The following KIF5C variants were observed in gnomAD, a reference collection of about 807,000 sequenced individuals.
KIF5C encodes kinesin family member 5C.
Under a neutral mutation model 125.2 loss-of-function variants are expected in KIF5C, and 18 were observed. The ratio of observed to expected loss-of-function variants is 0.14; its 90% CI spans 0.10 to 0.21. KIF5C has a LOEUF of 0.21. Among genes scored for constraint, KIF5C ranks in the 10% least tolerant of loss-of-function variants. The probability of loss-of-function intolerance (pLI) is 1.00; values close to 1 mark genes in which losing one functional copy is unlikely to be tolerated. For missense variants in KIF5C, 780 were observed against 1,183.8 expected (o/e 0.66, Z 5.01); for synonymous variants, 405 against 434.0 (o/e 0.93, Z 0.83).
chr2:148,917,906 T>A (rs1681626179), intron 1 of KIF5C, among the ~76,000 whole-genome samples: 1 of 152,210 alleles, frequency 6.6e-6, no homozygotes, highest in Non-Finnish European at 1.5e-5. Context: ...TTCTTGGGGA[T>A]AATTAATTTC....
chr2:148,902,740 G>A lies in KIF5C; in HGVS notation c.127-19397G>A, dbSNP rs185305780. Among the ~76,000 whole-genome samples the A allele has an allele frequency of 1.1e-3, 165 of 152,290 alleles. 1 individual carries two copies. Among genetic ancestry groups the A allele is most frequent in the Non-Finnish European group, 4.0e-4 (27 of 68,022 alleles). On this transcript the variant is annotated intron_variant, in intron 1 of 25. Coordinates refer to ENST00000435030, the MANE Select transcript of KIF5C (RefSeq NM_004522.3). The stretch of plus-strand genomic sequence containing the variant: ...AATTAGAATATTTTGTAGTGCTCGT[G>A]TATTCCTGCAAAGAGCATTTCACAT...
At chr2:148,942,860 A>G (rs920416094) in intron 7 of KIF5C, 100 bp downstream of exon 7, 82 of 1,538,086 alleles carry the variant, frequency 5.3e-5, no homozygotes, top group Non-Finnish European at 6.6e-5. Flanking sequence ...GAAAGAATGC[A>G]TGGGAAGGTG....
rs1379125533 is a variant in KIF5C, at chr2:148,962,130, G to A, written c.1117+11G>A. On this transcript the variant is annotated intron_variant, in intron 11 of 25. Coordinates refer to ENST00000435030, the MANE Select transcript of KIF5C (RefSeq NM_004522.3). ...ACAGGTGGAGGAATGGTAAGGAAAAGTAAGGAGGAAGAGTGAGGCATGAGT... is the reference window on the plus strand; with the variant it reads ...ACAGGTGGAGGAATGGTAAGGAAAAATAAGGAGGAAGAGTGAGGCATGAGT... The A allele has an allele frequency of 1.3e-6, 2 of 1,595,112 alleles. No individual in the cohort carries two copies. The highest frequency in any genetic ancestry group is 8.5e-7 in the Non-Finnish European group (1 of 1,170,686).
chr2:148,908,741 A>G (rs1681214294), intron 1 of KIF5C, among the ~76,000 whole-genome samples: 3 of 152,238 alleles, frequency 2.0e-5, no homozygotes, highest in African/African-American at 7.2e-5. Flanking sequence ...AGAATCAGTC[A>G]TAACTGTTTA....
chr2:149,018,169 G>C (rs1259117414), intron 25 of KIF5C, among the ~76,000 whole-genome samples: 1 of 150,862 alleles, frequency 6.6e-6, no homozygotes, highest in Non-Finnish European at 1.5e-5. Context: ...CATGCCTGTA[G>C]CTCCAGTGAC....
At chr2:148,943,841 C>G (rs192875408) in intron 7 of KIF5C, among the ~76,000 whole-genome samples, 3 of 152,328 alleles carry the variant, frequency 2.0e-5, no homozygotes, top group African/African-American at 7.2e-5. Context: ...TTTTCTCTAT[C>G]TGAGCAATGT....
intron 13 of KIF5C, among the ~76,000 whole-genome samples, chr2:148,980,698 A>C (rs1025439467): frequency 9.6e-5 from 14 of 146,328 alleles, no homozygotes; most frequent in African/African-American, 3.5e-4. Flanking sequence ...TTATTTATTT[A>C]TTTATTTATT....
At chr2:149,020,732 T>C (rs73013143) in intron 25 of KIF5C, among the ~76,000 whole-genome samples, 14,617 of 152,206 alleles carry the variant, frequency 0.096, 2,070 homozygotes, top group African/African-American at 0.31. Flanking sequence ...CGTGGAGAAA[T>C]GAACCTGTGA....
intron 13 of KIF5C, among the ~76,000 whole-genome samples, chr2:148,979,480 G>A (rs1558929609): frequency 6.6e-6 from 1 of 152,104 alleles, no homozygotes; most frequent in Non-Finnish European, 1.5e-5. Context: ...CTCTATGTTG[G>A]TCAGGGTGAT....
intron 1 of KIF5C, among the ~76,000 whole-genome samples, chr2:148,884,948 C>A (rs576707763): frequency 6.6e-6 from 1 of 151,014 alleles, no homozygotes; most frequent in African/African-American, 2.4e-5. Context: ...CTATCCCCCC[C>A]TCACAATGGC....
At chr2:149,009,201 A>T (rs1413087604) in intron 23 of KIF5C, among the ~76,000 whole-genome samples, 1 of 152,032 alleles carries the variant, frequency 6.6e-6, no homozygotes, top group East Asian at 1.9e-4. Context: ...CATGTTGGTC[A>T]GGCTGGTCTT....
intron 10 of KIF5C, among the ~76,000 whole-genome samples, chr2:148,960,289 A>G (rs1483168668): frequency 6.6e-6 from 1 of 152,182 alleles, no homozygotes; most frequent in Non-Finnish European, 1.5e-5. Context: ...GGGACTCTTT[A>G]TGATTTAAAA....
chr2:148,942,816 A>C, intron 7 of KIF5C, 56 bp downstream of exon 7: 1 of 1,570,218 alleles, frequency 6.4e-7, no homozygotes, highest in Non-Finnish European at 8.6e-7. Flanking sequence ...ATATCTGCCC[A>C]CCAACCGAGG....
intron 10 of KIF5C, 105 bp from the exon 11 acceptor site, chr2:148,961,866 T>A: frequency 1.4e-6 from 2 of 1,474,920 alleles, no homozygotes; most frequent in Admixed American, 4.5e-5. Flanking sequence ...TCCCTTCTGC[T>A]TCCCTATTTC....
chr2:148,950,255 C>A lies in KIF5C; in HGVS notation c.820-59C>A, dbSNP rs76093774. ...AGTGTCTTCATCCCTGACTTGCTTG[C>A]CTCTGTGTTTTTCTCAGAATGGGCT... On this transcript the variant is annotated intron_variant, in intron 9 of 25. Coordinates refer to ENST00000435030, the MANE Select transcript of KIF5C (RefSeq NM_004522.3). The A allele has an allele frequency of 6.5e-3, 10,245 of 1,581,642 alleles. 233 individuals are homozygous for A. In the African/African-American group the frequency reaches 0.07, roughly 11 times the overall value.
chr2:148,931,086 A>G (rs961567214), intron 3 of KIF5C, among the ~76,000 whole-genome samples: 12 of 152,202 alleles, frequency 7.9e-5, no homozygotes, highest in Middle Eastern at 3.2e-3. Flanking sequence ...TGAGGAATTC[A>G]ATCAGTCTAG....
chr2:148,990,889 A>T, intron 15 of KIF5C, 121 bp from the exon 16 acceptor site: 2 of 1,434,204 alleles, frequency 1.4e-6, no homozygotes, highest in Non-Finnish European at 1.8e-6. Flanking sequence ...CTTGTCCTTT[A>T]ATTAGGATTC....
chr2:148,987,255 A>G (rs1259618658), intron 15 of KIF5C, among the ~76,000 whole-genome samples: 8 of 152,234 alleles, frequency 5.3e-5, no homozygotes, highest in Admixed American at 4.6e-4. Flanking sequence ...TGTATGCAAC[A>G]TGGGTCCCAT....
At chr2:148,975,840 G>A (rs566416196) in intron 12 of KIF5C, among the ~76,000 whole-genome samples, 53 of 152,312 alleles carry the variant, frequency 3.5e-4, no homozygotes, top group Non-Finnish European at 4.9e-4. Context: ...TGTATCATGG[G>A]GCTTATATCT....
Sources: allele counts gnomAD v4.1 joint callset (sites outside exome capture counted in the v4.1 genomes callset), GRCh38; gene constraint gnomAD v4.1.1; transcripts MANE v1.5; gene names NCBI Gene and HGNC (gene_info 2026-07-23, HGNC 2026-07-21).